GRM7: variants seen among roughly 807,000 people sequenced by gnomAD.
GRM7 encodes the protein glutamate metabotropic receptor 7.
GRM7 carries 35 observed loss-of-function variants against 84.5 expected under a neutral mutation model. The observed-to-expected ratio is 0.41, with a 90% CI of 0.32 to 0.55. The LOEUF (loss-of-function observed/expected upper bound fraction) is 0.55, where lower values mean the gene tolerates loss of function less well. Ranked by LOEUF, GRM7 falls within the 20% of genes least tolerant of loss-of-function variation. GRM7 has a pLI of 0.19. For synonymous variants in GRM7, 487 were observed against 455.1 expected (o/e 1.07, Z -0.89); for missense variants, 1,003 against 1,194.6 (o/e 0.84, Z 2.36).
In GRM7 at chr3:7,499,011, G is replaced by A. The variant is rs532631530; in HGVS notation, c.1515+37289G>A. On this transcript the variant is annotated intron_variant, in intron 7 of 9. Transcript: ENST00000357716. ...AATTGCTGATTTTGCCCTAAATTTG[G>A]GAGTTGACTAGGCTCTGCTAGGCAG... Among the ~76,000 whole-genome samples, 55 of 152,240 alleles carry A rather than the reference G, an allele frequency of 3.6e-4. No individual in the cohort carries two copies. The Middle Eastern group carries it at 0.01, about 28-fold the overall frequency.
intron 7 of GRM7, among the ~76,000 whole-genome samples, chr3:7,469,086 T>C (rs556431905): frequency 6.6e-6 from 1 of 152,288 alleles, no homozygotes; most frequent in South Asian, 2.1e-4. Flanking sequence ...TGTTAAATAT[T>C]AAAAGGATAA....
intron 2 of GRM7, among the ~76,000 whole-genome samples, chr3:7,161,712 A>G (rs1220109511): frequency 1.3e-5 from 2 of 152,218 alleles, no homozygotes; most frequent in East Asian, 1.9e-4. Context: ...TTATTTATTC[A>G]ACAAATATCT....
chr3:7,483,117 T>G (rs1191036656), intron 7 of GRM7, among the ~76,000 whole-genome samples: 1 of 152,172 alleles, frequency 6.6e-6, no homozygotes, highest in Non-Finnish European at 1.5e-5. Flanking sequence ...CCAATGGATA[T>G]TCATTGAACA....
chr3:6,889,790 T>C (rs1160064250), intron 1 of GRM7, among the ~76,000 whole-genome samples: 6 of 152,162 alleles, frequency 3.9e-5, no homozygotes, highest in Non-Finnish European at 7.4e-5. Flanking sequence ...TTGATTGGAA[T>C]AGTTTCAGAA....
intron 9 of GRM7, among the ~76,000 whole-genome samples, chr3:7,688,251 G>A (rs190753582): frequency 1.2e-3 from 178 of 152,124 alleles, no homozygotes; most frequent in African/African-American, 4.0e-3. Flanking sequence ...CAGATTAGAA[G>A]TAAATTCAAA....
Position 6,906,894 on chromosome 3 carries a change from T to A in GRM7, c.519+44987T>A, listed in dbSNP as rs79926182. ...TAGGTATAATTGATATACAAAGAACTGCACATATTTAGCATGTGCAATCTG... is the reference window on the plus strand; with the variant it reads ...TAGGTATAATTGATATACAAAGAACAGCACATATTTAGCATGTGCAATCTG... On this transcript the variant is annotated intron_variant, in intron 1 of 9. Coordinates refer to ENST00000357716, the MANE Select transcript of GRM7 (RefSeq NM_000844.4). Among the ~76,000 whole-genome samples the A allele has an allele frequency of 5.1e-3, 784 of 152,304 alleles. 9 individuals are homozygous for A. Among genetic ancestry groups the A allele is most frequent in the African/African-American group, 0.018 (751 of 41,572 alleles).
intron 1 of GRM7, among the ~76,000 whole-genome samples, chr3:6,936,391 T>C (rs1413939828): frequency 1.3e-5 from 2 of 152,168 alleles, no homozygotes; most frequent in Non-Finnish European, 2.9e-5. Context: ...TGTACCGGTG[T>C]GGCACCACAG....
At chr3:7,487,437 C>T (rs899350379) in intron 7 of GRM7, among the ~76,000 whole-genome samples, 1 of 152,006 alleles carries the variant, frequency 6.6e-6, no homozygotes, top group Non-Finnish European at 1.5e-5. Flanking sequence ...GGAAAAAGGC[C>T]CAGAGACCTA....
intron 2 of GRM7, among the ~76,000 whole-genome samples, chr3:7,284,331 T>G (rs1699356121): frequency 6.7e-6 from 1 of 150,162 alleles, no homozygotes. Context: ...TGAGCTCTCT[T>G]GGATCTGCAC....
intron 2 of GRM7, among the ~76,000 whole-genome samples, chr3:7,231,891 C>T (rs1048554819): frequency 6.6e-6 from 1 of 152,126 alleles, no homozygotes; most frequent in African/African-American, 2.4e-5. Context: ...TTATATTGGG[C>T]ACTATGCTAG....
chr3:7,190,657 G>T (rs950086150), intron 2 of GRM7, among the ~76,000 whole-genome samples: 1 of 152,052 alleles, frequency 6.6e-6, no homozygotes, highest in Non-Finnish European at 1.5e-5. Context: ...CATTTTGCAA[G>T]CACATTACTG....
intron 1 of GRM7, among the ~76,000 whole-genome samples, chr3:7,021,228 C>T (rs1225278543): frequency 6.6e-6 from 1 of 152,114 alleles, no homozygotes; most frequent in Non-Finnish European, 1.5e-5. Context: ...AGTAATTGTT[C>T]AGCTGACTCA....
chr3:7,410,408 A>C (rs1029962031), intron 4 of GRM7, among the ~76,000 whole-genome samples: 26 of 151,770 alleles, frequency 1.7e-4, no homozygotes, highest in African/African-American at 5.8e-4. Context: ...CTATCTCTAC[A>C]AAAAAAATAC....
At chr3:7,632,106 G>A (rs1381457877) in intron 8 of GRM7, among the ~76,000 whole-genome samples, 1 of 152,222 alleles carries the variant, frequency 6.6e-6, no homozygotes. Flanking sequence ...GGACAGTAAT[G>A]CAGGCTTGTG....
chr3:7,355,648 G>C (rs1028986974), intron 4 of GRM7, among the ~76,000 whole-genome samples: 7 of 152,100 alleles, frequency 4.6e-5, no homozygotes, highest in Non-Finnish European at 7.4e-5. Context: ...AACCTGAGCT[G>C]TCTGTTATGA....
chr3:7,090,213 G>A (rs1698614288), intron 1 of GRM7, among the ~76,000 whole-genome samples: 1 of 152,200 alleles, frequency 6.6e-6, no homozygotes, highest in African/African-American at 2.4e-5. Context: ...GAATAAGCAT[G>A]TGGTAAGTAG....
chr3:7,479,080 C>T (rs1057069523), intron 7 of GRM7, among the ~76,000 whole-genome samples: 1 of 151,984 alleles, frequency 6.6e-6, no homozygotes. Context: ...TTATACTGTC[C>T]TAGTCTGCTT....
intron 1 of GRM7, chr3:6,892,576 A>C (rs563174023): frequency 8.5e-4 from 129 of 152,318 alleles, no homozygotes; most frequent in African/African-American, 3.0e-3. Context: ...GGACAAGAGC[A>C]GGAAAGCTTC....
chr3:7,346,595 G>A (rs2125086066), intron 4 of GRM7, among the ~76,000 whole-genome samples: 1 of 152,198 alleles, frequency 6.6e-6, no homozygotes, highest in South Asian at 2.1e-4. Context: ...GGAGAAATGA[G>A]AGAACCATGT....
Sources: allele counts gnomAD v4.1 joint callset (sites outside exome capture counted in the v4.1 genomes callset), GRCh38; gene constraint gnomAD v4.1.1; transcripts MANE v1.5; gene names NCBI Gene and HGNC (gene_info 2026-07-23, HGNC 2026-07-21).